Variants in SLC9A3 observed in about 807,000 individuals in gnomAD.
SLC9A3 encodes solute carrier family 9 member A3.
Under a neutral mutation model 86.8 loss-of-function variants are expected in SLC9A3, and 37 were observed. That is an observed-to-expected ratio of 0.43 (90% CI 0.33 to 0.56). SLC9A3 has a LOEUF of 0.56. SLC9A3 is among the 20% of genes least tolerant of loss of function. The pLI is 0.06. For missense variants in SLC9A3, 1,011 were observed against 1,171.9 expected, an observed-to-expected ratio of 0.86 and a Z score of 2.00; for synonymous variants, 581 against 528.3, an observed-to-expected ratio of 1.10 and a Z score of -1.37.
chr5:490,955 C>T (rs766205612), intron 2 of SLC9A3, among the ~76,000 whole-genome samples: 4 of 152,234 alleles, frequency 2.6e-5, no homozygotes, highest in Non-Finnish European at 2.9e-5. Context: ...TTTCTCCATG[C>T]GTCTCCTTGG....
At position 482,055 on chromosome 5, in the gene SLC9A3, G is replaced by T; in HGVS notation, c.1446+13C>A. On this transcript the variant is annotated intron_variant, in intron 8 of 16. Transcript: ENST00000264938. ...CGCAGTGCCCCCCCCCCGCCCCCCA[G>T]CCCCGCACTTACGCGCCCGTGCAGC... 2 of 738,942 alleles carry T rather than the reference G, an allele frequency of 2.7e-6. No individual in the cohort carries two copies. Among genetic ancestry groups the T allele is most frequent in the South Asian group, 1.6e-5 (1 of 63,588 alleles). The allele number at this position is 738,942 out of a possible 1,614,324, so 45.8% of individuals were successfully genotyped here. A position where few individuals can be genotyped will look rare whatever the true frequency, so the allele number is the denominator to read the frequency against.
intron 3 of SLC9A3, among the ~76,000 whole-genome samples, chr5:485,478 T>C (rs1236260333): frequency 6.6e-6 from 1 of 152,266 alleles, no homozygotes; most frequent in African/African-American, 2.4e-5. Flanking sequence ...GGCCTCTTCC[T>C]ATCCTCTGCA....
intron 3 of SLC9A3, among the ~76,000 whole-genome samples, 186 bp from the exon 4 acceptor site, chr5:485,417 A>G (rs1055898831): frequency 1.3e-5 from 2 of 152,260 alleles, no homozygotes; most frequent in African/African-American, 4.8e-5. Flanking sequence ...CCAGCAAGAC[A>G]TGGGGCAAAA....
At position 482,734 on chromosome 5, in the gene SLC9A3, G is replaced by C; in HGVS notation, c.1170C>G (p.Thr390=). 6.2e-7 allele frequency: 1 copy of C among 1,606,574 alleles called. No individual in the cohort carries two copies. The highest frequency in any genetic ancestry group is 8.5e-7 in the Non-Finnish European group (1 of 1,177,234). Reference sequence around the variant, plus strand: ...CCATGCGGTAGCGGTTCAGAAGCCAGGTCTGCAGGACCACACCTGCGGATG... The same window carrying C: ...CCATGCGGTAGCGGTTCAGAAGCCACGTCTGCAGGACCACACCTGCGGATG... The part of the protein sequence containing the change: ...VYRAIGVVLQ[T]WLLNRYRMVQ... Residue 390 remains threonine, a synonymous_variant, in exon 7 of 17, where the codon ACC becomes ACG. Transcript: ENST00000264938.
chr5:504,742 G>C (rs998912740), intron 1 of SLC9A3, among the ~76,000 whole-genome samples: 9 of 152,218 alleles, frequency 5.9e-5, no homozygotes, highest in African/African-American at 2.2e-4. Flanking sequence ...GGGGGCTGAA[G>C]GGGAAGGGGT....
chr5:476,710 CAG>C (rs1560949637), intron 11 of SLC9A3, 38 bp from the exon 12 acceptor site: 1 of 1,595,418 alleles, frequency 6.3e-7, no homozygotes, highest in Admixed American at 1.7e-5. Flanking sequence ...CAGGCTCCCT[CAG>C]GGTGGGGTCT....
At chr5:504,687 G>A (rs1386484529) in intron 1 of SLC9A3, among the ~76,000 whole-genome samples, 3 of 152,188 alleles carry the variant, frequency 2.0e-5, no homozygotes, top group Middle Eastern at 3.2e-3. Context: ...CATGGGCACC[G>A]GGACCTGCAC....
At chr5:480,351 G>GT (rs202102039) in intron 9 of SLC9A3, 3,617 of 176,140 alleles carry the variant, frequency 0.021, 49 homozygotes, top group Non-Finnish European at 0.028. Flanking sequence ...CCAGAGTGAG[G>GT]TTTTTTTTAG....
At chr5:481,876 C>T (rs1278410239) in intron 8 of SLC9A3, among the ~76,000 whole-genome samples, 192 bp downstream of exon 8, 1 of 15,514 alleles carries the variant, frequency 6.4e-5, no homozygotes, top group Non-Finnish European at 1.6e-4. Flanking sequence ...CCGAGGAACA[C>T]GCAGTGCCCC....
At position 475,982 on chromosome 5, in the gene SLC9A3, CTCCCAGTCCCAGCGT is replaced by C. The variant is rs755833047; in HGVS notation, c.2140+23_2140+37del. 8.4e-6 allele frequency: 13 copies of C among 1,546,370 alleles called. No individual in the cohort carries two copies. In the Admixed American group the frequency reaches 2.4e-4, roughly 28 times the overall value. ...GAGGGCTGGGGCTGGGAGGTGGTGGCTCCCAGTCCCAGCGTTCCTGCAGGGCCCCCAGCGCACCTT... is the reference window on the plus strand; with the variant it reads ...GAGGGCTGGGGCTGGGAGGTGGTGGCTCCTGCAGGGCCCCCAGCGCACCTT... On this transcript the variant is annotated intron_variant, in intron 14 of 16. Coordinates refer to ENST00000264938, the MANE Select transcript of SLC9A3 (RefSeq NM_004174.4).
chr5:510,695 C>T (rs1182943375), intron 1 of SLC9A3, among the ~76,000 whole-genome samples: 3 of 152,332 alleles, frequency 2.0e-5, no homozygotes, highest in Middle Eastern at 3.4e-3. Context: ...GGCAGGCGGC[C>T]GTGGATGCCA....
intron 15 of SLC9A3, 184 bp from the exon 16 acceptor site, chr5:475,316 A>G (rs1028034106): frequency 1.2e-5 from 8 of 649,742 alleles, no homozygotes; most frequent in Middle Eastern, 4.2e-4. Context: ...CACAGGCAGC[A>G]CAGGTAACGT....
intron 6 of SLC9A3, 58 bp from the exon 7 acceptor site, chr5:482,808 C>G: frequency 1.4e-6 from 2 of 1,407,196 alleles, no homozygotes; most frequent in East Asian, 2.5e-5. Context: ...CGCGGGACCC[C>G]AGCCCCTCCG....
chr5:500,532 T>C (rs1740216179), intron 1 of SLC9A3, among the ~76,000 whole-genome samples: 1 of 137,994 alleles, frequency 7.2e-6, no homozygotes, highest in African/African-American at 2.8e-5. Context: ...TGGACGGGGC[T>C]GGTGTGGGAG....
At chr5:511,279 G>C (rs555874182) in intron 1 of SLC9A3, among the ~76,000 whole-genome samples, 1 of 152,148 alleles carries the variant, frequency 6.6e-6, no homozygotes, top group Admixed American at 6.5e-5. Context: ...CTTGGGTTTG[G>C]TGATGAATTT....
Position 473,310 on chromosome 5 carries a change from G to A in SLC9A3, c.*69C>T, listed in dbSNP as rs1738503674. Reference sequence around the variant, plus strand: ...GGGGATCTGGGGTTTCTCTGGGACAGCGGCGGCGGCGGTGGGCGGACCGTG... The same window carrying A: ...GGGGATCTGGGGTTTCTCTGGGACAACGGCGGCGGCGGTGGGCGGACCGTG... On this transcript the variant is annotated 3_prime_UTR_variant, in exon 17 of 17. Transcript: ENST00000264938. The A allele has an allele frequency of 3.0e-6, 4 of 1,326,400 alleles. No homozygotes were observed. In the South Asian group the frequency reaches 7.0e-5, roughly 23 times the overall value. 82.2% of individuals were successfully genotyped at this position (1,326,400 alleles called of 1,614,324 possible). A position where few individuals can be genotyped will look rare whatever the true frequency, so the allele number is the denominator to read the frequency against.
At chr5:511,498 C>G (rs1197492466) in intron 1 of SLC9A3, among the ~76,000 whole-genome samples, 2 of 152,220 alleles carry the variant, frequency 1.3e-5, no homozygotes, top group Non-Finnish European at 2.9e-5. Flanking sequence ...TGGGCAGACC[C>G]CACACCAAAG....
At chr5:476,453 C>G (rs893232998) in intron 12 of SLC9A3, 75 bp from the exon 13 acceptor site, 1 of 1,604,970 alleles carries the variant, frequency 6.2e-7, no homozygotes, top group African/African-American at 1.3e-5. Context: ...AGGAGCTGAG[C>G]ACGGATCCCC....
Position 492,031 on chromosome 5 carries a change from C to G in SLC9A3, c.252G>C (p.Glu84Asp). ...LSHKVTSVVPESALLIVLGLV... is the reference protein window; with the variant it reads ...LSHKVTSVVPDSALLIVLGLV... ...GGCCCAGCACGATGAGCAGGGCGCT[C>G]TCGGGAACCACGCTGGTGACCTTGT... Residue 84 changes from glutamate (E) to aspartate (D), a missense_variant, in exon 2 of 17, where the codon GAG becomes GAC. Physicochemically the swap from Glu to Asp is conservative, Grantham distance 45. Coordinates refer to ENST00000264938, the MANE Select transcript of SLC9A3 (RefSeq NM_004174.4). The G allele has an allele frequency of 1.3e-6, 2 of 1,552,328 alleles. No homozygotes were observed. The highest frequency in any genetic ancestry group is 1.7e-6 in the Non-Finnish European group (2 of 1,144,724).
Sources: allele counts gnomAD v4.1 joint callset (sites outside exome capture counted in the v4.1 genomes callset), GRCh38; gene constraint gnomAD v4.1.1; transcripts MANE v1.5; gene names NCBI Gene and HGNC (gene_info 2026-07-23, HGNC 2026-07-21).